LINGO2: variants seen among roughly 807,000 people sequenced by gnomAD.
LINGO2 encodes the protein leucine-rich repeat and immunoglobulin-like domain-containing nogo receptor-interacting protein 2.
In LINGO2, 14 loss-of-function variants were observed where a neutral mutation model predicts 30.6. The observed-to-expected ratio is 0.46, with a 90% CI of 0.30 to 0.72. The LOEUF (loss-of-function observed/expected upper bound fraction) is 0.72. Among genes scored for constraint, LINGO2 ranks in the 30% least tolerant of loss-of-function variants. The pLI, the probability that LINGO2 is intolerant of heterozygous loss-of-function variation, is 0.07. For missense variants in LINGO2, 729 were observed against 751.7 expected (o/e 0.97, Z 0.35); for synonymous variants, 317 against 288.5 (o/e 1.10, Z -1.00).
intron 4 of LINGO2, among the ~76,000 whole-genome samples, chr9:28,239,907 A>G (rs1821720628): frequency 6.6e-6 from 1 of 152,180 alleles, no homozygotes; most frequent in Admixed American, 6.5e-5. Context: ...CAAGAAAACT[A>G]TTAGAACTGA....
intron 4 of LINGO2, among the ~76,000 whole-genome samples, chr9:28,153,248 C>T (rs921140817): frequency 2.0e-5 from 3 of 152,018 alleles, no homozygotes; most frequent in Non-Finnish European, 4.4e-5. Context: ...AGTGCAGAAA[C>T]GTGTATACTG....
chr9:28,565,341 C>T (rs1321255743), intron 1 of LINGO2, among the ~76,000 whole-genome samples: 3 of 151,200 alleles, frequency 2.0e-5, no homozygotes, highest in Non-Finnish European at 4.4e-5. Flanking sequence ...GCGCCTGCCA[C>T]CACGCCCGGG....
chr9:28,031,686 T>A (rs1344610190), intron 4 of LINGO2, among the ~76,000 whole-genome samples: 4 of 152,180 alleles, frequency 2.6e-5, no homozygotes, highest in Non-Finnish European at 5.9e-5. Context: ...TCTGTCTGTG[T>A]CGGCTAAGCC....
intron 1 of LINGO2, among the ~76,000 whole-genome samples, chr9:28,622,958 T>A (rs1194784185): frequency 6.6e-6 from 1 of 152,074 alleles, no homozygotes; most frequent in Non-Finnish European, 1.5e-5. Flanking sequence ...AAGCACCTTA[T>A]TATAGGTCTG....
chr9:29,135,300 C>T, the LINGO2 span, among the ~76,000 whole-genome samples: 24,716 of 152,042 alleles, frequency 0.16, 2,169 homozygotes, highest in East Asian at 0.37. Flanking sequence ...TGGCTCACTC[C>T]TGTAATCCCA....
chr9:28,550,876 A>G (rs569206161), intron 1 of LINGO2, among the ~76,000 whole-genome samples: 1 of 151,898 alleles, frequency 6.6e-6, no homozygotes, highest in Non-Finnish European at 1.5e-5. Context: ...GCTACATATT[A>G]TTTTGGATTA....
chr9:28,130,692 T>C lies in LINGO2; in HGVS notation c.-86-118287A>G, dbSNP rs1396566441. On this transcript the variant is annotated intron_variant, in intron 4 of 5. Coordinates refer to ENST00000379992, the Ensembl canonical transcript of LINGO2. This position sits in a 1 kb window ranked among gnomAD's most constrained non-coding sequence, Gnocchi z 5.2. ...AAGCCAGAGGGTCAGAGAGTGACCTTAGGGCTAGGATGGCCAGAGTTTCAG... is the reference window on the plus strand; with the variant it reads ...AAGCCAGAGGGTCAGAGAGTGACCTCAGGGCTAGGATGGCCAGAGTTTCAG... Among the ~76,000 whole-genome samples, 2 of 152,120 alleles carry C rather than the reference T, an allele frequency of 1.3e-5. No homozygotes were observed. The highest frequency in any genetic ancestry group is 1.5e-5 in the Non-Finnish European group (1 of 67,996).
At chr9:28,896,750 T>A in the LINGO2 span, among the ~76,000 whole-genome samples, 1 of 152,162 alleles carries the variant, frequency 6.6e-6, no homozygotes, top group Non-Finnish European at 1.5e-5. Flanking sequence ...TGTATTCATA[T>A]GATACTTGTA....
At chr9:28,055,053 C>T (rs534712165) in intron 4 of LINGO2, among the ~76,000 whole-genome samples, 22 of 152,034 alleles carry the variant, frequency 1.4e-4, no homozygotes, top group Non-Finnish European at 2.8e-4. Flanking sequence ...TATATAGCCT[C>T]CCAGAGGGAA....
chr9:28,132,894 A>T (rs1183171539), intron 4 of LINGO2, among the ~76,000 whole-genome samples: 3 of 152,232 alleles, frequency 2.0e-5, no homozygotes, highest in African/African-American at 7.2e-5. Context: ...TGTGTCCTAA[A>T]CTGAGACCTC....
chr9:28,919,295 G>A, the LINGO2 span, among the ~76,000 whole-genome samples: 1 of 152,132 alleles, frequency 6.6e-6, no homozygotes, highest in African/African-American at 2.4e-5. Flanking sequence ...GTATGATGAT[G>A]ATGATGACAA....
chr9:29,159,516 C>T, the LINGO2 span, among the ~76,000 whole-genome samples: 1 of 152,148 alleles, frequency 6.6e-6, no homozygotes, highest in Non-Finnish European at 1.5e-5. Flanking sequence ...AACTTTCAGT[C>T]ACCTTCACAA....
chr9:29,184,840 T>A, the LINGO2 span, among the ~76,000 whole-genome samples: 1 of 152,236 alleles, frequency 6.6e-6, no homozygotes, highest in South Asian at 2.1e-4. Context: ...TTTCCAAATA[T>A]AAGTAAACAT....
intron 4 of LINGO2, among the ~76,000 whole-genome samples, chr9:28,086,138 C>G (rs1332678126): frequency 6.6e-6 from 1 of 152,044 alleles, no homozygotes; most frequent in African/African-American, 2.4e-5. Flanking sequence ...TTACTTTTCA[C>G]TGAAACACTT....
At chr9:28,078,682 A>G (rs1466296979) in intron 4 of LINGO2, among the ~76,000 whole-genome samples, 1 of 148,026 alleles carries the variant, frequency 6.8e-6, no homozygotes, top group East Asian at 1.9e-4. Flanking sequence ...CGCCGTCTCT[A>G]TTAAAAATAC....
chr9:29,024,994 GA>G, the LINGO2 span, among the ~76,000 whole-genome samples: 15 of 151,698 alleles, frequency 9.9e-5, no homozygotes, highest in Admixed American at 2.0e-4. Flanking sequence ...TATCAAAAAA[GA>G]AAAAAACAGA....
chr9:28,657,295 CTT>C (rs958040317), intron 1 of LINGO2, among the ~76,000 whole-genome samples: 9 of 151,928 alleles, frequency 5.9e-5, no homozygotes, highest in Non-Finnish European at 1.3e-4. Context: ...CAAAAGAACT[CTT>C]TTCTTTTTAA....
chr9:28,396,259 G>C (rs1157438967), intron 2 of LINGO2, among the ~76,000 whole-genome samples: 1 of 152,152 alleles, frequency 6.6e-6, no homozygotes, highest in Admixed American at 6.5e-5. Flanking sequence ...AGTTACAAGT[G>C]CTATGAATCA....
the LINGO2 span, among the ~76,000 whole-genome samples, chr9:29,010,771 G>C: frequency 6.6e-6 from 1 of 152,038 alleles, no homozygotes; most frequent in Non-Finnish European, 1.5e-5. Flanking sequence ...AAACATAAAA[G>C]TGCCTCAGGA....
Sources: gnomAD v4.1 joint callset for allele counts (sites outside exome capture counted in the v4.1 genomes callset) on GRCh38, gnomAD v4.1.1 for gene constraint, Gnocchi (gnomAD v3.1) non-coding constraint, MANE v1.5 for transcripts, NCBI Gene and HGNC (gene_info 2026-07-23, HGNC 2026-07-21) for gene names.